Variants in FRMPD4 observed in about 807,000 individuals in gnomAD.
FRMPD4 encodes the protein FERM and PDZ domain containing 4, also known as FERM and PDZ domain-containing protein 4.
Under a neutral mutation model 94.1 loss-of-function variants are expected in FRMPD4, and 22 were observed. The ratio of observed to expected loss-of-function variants is 0.23; its 90% CI spans 0.17 to 0.33. The LOEUF (loss-of-function observed/expected upper bound fraction) is 0.33. Ranked by LOEUF, FRMPD4 falls within the 10% of genes least tolerant of loss-of-function variation. The pLI, the probability that FRMPD4 is intolerant of heterozygous loss-of-function variation, is 1.00. For synonymous variants in FRMPD4, 631 were observed against 548.6 expected (o/e 1.15, Z -2.10); for missense variants, 1,111 against 1,339.9 (o/e 0.83, Z 2.67).
At chrX:12,226,351 T>G (rs2056922671) in intron 1 of FRMPD4, among the ~76,000 whole-genome samples, 1 of 111,550 alleles carries the variant, frequency 9.0e-6, no homozygotes, top group African/African-American at 3.3e-5. Context: ...AAAGACAAAC[T>G]TGGCTCAATG....
chrX:12,394,875 C>A (rs369399331), intron 1 of FRMPD4, among the ~76,000 whole-genome samples: 4 of 111,331 alleles, frequency 3.6e-5, no homozygotes, highest in Admixed American at 1.9e-4. Flanking sequence ...ATTCAGGGGA[C>A]GGGGTAGGTA....
intron 3 of FRMPD4, among the ~76,000 whole-genome samples, chrX:11,945,319 A>G (rs934235763): frequency 8.9e-6 from 1 of 112,183 alleles, no homozygotes; most frequent in African/African-American, 3.2e-5. Context: ...TAAGACTATG[A>G]GAGTTATGTC....
At chrX:12,388,759 A>G (rs921463948) in intron 1 of FRMPD4, among the ~76,000 whole-genome samples, 16 of 103,527 alleles carry the variant, frequency 1.5e-4, no homozygotes, top group African/African-American at 5.0e-4. Context: ...TATTCACAAT[A>G]GCCAAGTTAT....
chrX:12,288,192 A>G (rs139952129), intron 1 of FRMPD4, among the ~76,000 whole-genome samples: 54 of 112,042 alleles, frequency 4.8e-4, no homozygotes, highest in Non-Finnish European at 9.4e-5. Flanking sequence ...CTTTAGACCA[A>G]TTGTGATACA....
chrX:11,918,293 A>G (rs1455046181), intron 3 of FRMPD4, among the ~76,000 whole-genome samples: 1 of 113,117 alleles, frequency 8.8e-6, no homozygotes. Context: ...GATTCATTTG[A>G]TATATCTCTG....
intron 2 of FRMPD4, among the ~76,000 whole-genome samples, chrX:12,503,811 G>C (rs1365108595): frequency 9.0e-6 from 1 of 111,614 alleles, no homozygotes; most frequent in Non-Finnish European, 1.9e-5. Context: ...TAGTTCTAGG[G>C]CTATTCTTTG....
chrX:12,012,155 T>C (rs903907617), intron 3 of FRMPD4, among the ~76,000 whole-genome samples: 1 of 111,652 alleles, frequency 9.0e-6, no homozygotes, highest in African/African-American at 3.3e-5. Flanking sequence ...TGCCTTGGCC[T>C]CCCAAAGTGC....
chrX:11,909,989 T>TATG (rs1419680201), intron 3 of FRMPD4, among the ~76,000 whole-genome samples: 1 of 111,919 alleles, frequency 8.9e-6, no homozygotes, highest in African/African-American at 3.2e-5. Flanking sequence ...TACTTGAAAG[T>TATG]ATGTTCTTGT....
chrX:11,851,232 T>A lies in FRMPD4; in HGVS notation c.-160-13854T>A, dbSNP rs749066182. ...GTATGCTCATGGTCAAGTTTCAGAT[T>A]GCTGAAATGGTTGTTGTTTTTTTAA... On this transcript the variant is annotated intron_variant, in intron 1 of 18. Transcript: ENST00000640291. Among the ~76,000 whole-genome samples the A allele has an allele frequency of 1.5e-3, 164 of 112,041 alleles. 1 individual carries two copies. Among genetic ancestry groups the A allele is most frequent in the African/African-American group, 5.0e-3 (154 of 30,862 alleles).
At position 12,718,198 on chromosome X, in the gene FRMPD4, G is replaced by A. The variant is rs2042138691; in HGVS notation, c.3372G>A (p.Arg1124=). The change falls in exon 16 of 17, where the codon AGG becomes AGA. Residue 1124 remains arginine, a synonymous_variant. Coordinates refer to ENST00000675598, the MANE Select transcript of FRMPD4 (RefSeq NM_001368397.1). ...TFPRASGLGA[R]EAEGKEEGAP... ...CAAGAGCTTCTGGTCTTGGGGCAAG[G>A]GAGGCCGAAGGGAAGGAAGAAGGAG... The A allele has an allele frequency of 8.3e-7, 1 of 1,210,993 alleles. No homozygotes were observed.
At chrX:12,441,985 T>A (rs938579409) in intron 1 of FRMPD4, among the ~76,000 whole-genome samples, 3 of 111,323 alleles carry the variant, frequency 2.7e-5, no homozygotes, top group Admixed American at 9.5e-5. Flanking sequence ...AATGAGCTCC[T>A]TTCAGAGAGG....
intron 4 of FRMPD4, among the ~76,000 whole-genome samples, chrX:12,658,628 G>C (rs113974436): frequency 7.2e-5 from 8 of 111,274 alleles, no homozygotes; most frequent in African/African-American, 2.6e-4. Context: ...CTTAATGTCT[G>C]TTTTGTTCAT....
chrX:12,406,083 T>C, intron 1 of FRMPD4, among the ~76,000 whole-genome samples: 1 of 111,112 alleles, frequency 9.0e-6, no homozygotes. Context: ...TACAGACATT[T>C]TTAGCTGTCA....
At position 11,900,192 on chromosome X, in the gene FRMPD4, T is replaced by C. The variant is rs2053927231; in HGVS notation, c.95+22174T>C. On this transcript the variant is annotated intron_variant, in intron 3 of 18. Coordinates refer to the FRMPD4 transcript ENST00000640291. Reference sequence around the variant, plus strand: ...TTGGGTGATAGATGTTTCAGAGGATTTTTTTTTTTTGTCTGAAGAAGGGGG... The same window carrying C: ...TTGGGTGATAGATGTTTCAGAGGATCTTTTTTTTTTGTCTGAAGAAGGGGG... Among the ~76,000 whole-genome samples, 3 of 37,646 alleles carry C rather than the reference T, an allele frequency of 8.0e-5. No homozygotes were observed. The South Asian group carries it at 2.7e-3, about 34-fold the overall frequency. 32.7% of individuals were successfully genotyped at this position (37,646 alleles called of 115,157 possible).
chrX:12,144,092 C>T lies in FRMPD4; in HGVS notation c.41+5080C>T, dbSNP rs919407725. On this transcript the variant is annotated intron_variant, in intron 1 of 16. Coordinates refer to ENST00000675598, the MANE Select transcript of FRMPD4 (RefSeq NM_001368397.1). Reference sequence around the variant, plus strand: ...GATAATCAAGTCAACAGGAGAATGCCTAGTATTTCCTTACAGTACACTTGA... The same window carrying T: ...GATAATCAAGTCAACAGGAGAATGCTTAGTATTTCCTTACAGTACACTTGA... 2.7e-5 allele frequency among the ~76,000 whole-genome samples: 3 copies of T among 111,983 alleles called. No individual in the cohort carries two copies. In the Admixed American group the frequency reaches 2.9e-4, roughly 11 times the overall value.
At chrX:11,826,465 A>G (rs1351488606) in intron 1 of FRMPD4, among the ~76,000 whole-genome samples, 2 of 111,804 alleles carry the variant, frequency 1.8e-5, no homozygotes, top group Non-Finnish European at 3.8e-5. Flanking sequence ...AGGGACCTTT[A>G]ACAATCATTA....
At chrX:12,108,664 G>C (rs1308793055) in intron 3 of FRMPD4, among the ~76,000 whole-genome samples, 1 of 111,781 alleles carries the variant, frequency 8.9e-6, no homozygotes. Flanking sequence ...TCAGTGTGCT[G>C]TATTCAGGAG....
At chrX:12,589,670 G>T (rs1191166782) in intron 2 of FRMPD4, among the ~76,000 whole-genome samples, 3 of 111,644 alleles carry the variant, frequency 2.7e-5, no homozygotes, top group Non-Finnish European at 5.6e-5. Context: ...AAAGTGAATT[G>T]TGGCCTTTCC....
chrX:12,105,052 T>C (rs1370652757), intron 3 of FRMPD4, among the ~76,000 whole-genome samples: 1 of 111,496 alleles, frequency 9.0e-6, no homozygotes, highest in Non-Finnish European at 1.9e-5. Context: ...AAGACCGAGT[T>C]CAGTTATTTG....
Sources: allele counts gnomAD v4.1 joint callset (sites outside exome capture counted in the v4.1 genomes callset), GRCh38; gene constraint gnomAD v4.1.1; transcripts MANE v1.5; gene names NCBI Gene and HGNC (gene_info 2026-07-23, HGNC 2026-07-21).